DIAPH3: variants seen among roughly 807,000 people sequenced by gnomAD.
The protein encoded by DIAPH3 is protein diaphanous homolog 3.
In DIAPH3, 117 loss-of-function variants were observed where a neutral mutation model predicts 144.3. That is an observed-to-expected ratio of 0.81 (90% confidence interval 0.70 to 0.95). The LOEUF (loss-of-function observed/expected upper bound fraction) is 0.95, where lower values mean the gene tolerates loss of function less well. DIAPH3 is among the 40% of genes least tolerant of loss of function. The pLI, the probability that DIAPH3 is intolerant of heterozygous loss-of-function variation, is 0.00. For synonymous variants in DIAPH3, 519 were observed against 488.9 expected, an observed-to-expected ratio of 1.06 and a Z score of -0.81; for missense variants, 1,421 against 1,412.7, an observed-to-expected ratio of 1.01 and a Z score of -0.09.
At chr13:60,130,239 G>C (rs563347621) in intron 2 of DIAPH3, among the ~76,000 whole-genome samples, 29 of 152,278 alleles carry the variant, frequency 1.9e-4, no homozygotes, top group African/African-American at 4.8e-4. Context: ...GTTGAAGATA[G>C]CCATGCTTAT....
At chr13:59,681,763 G>A (rs905216771) in intron 27 of DIAPH3, among the ~76,000 whole-genome samples, 3 of 152,134 alleles carry the variant, frequency 2.0e-5, no homozygotes, top group African/African-American at 7.2e-5. Context: ...AATTCACAAT[G>A]AGGAAGGAGG....
intron 25 of DIAPH3, among the ~76,000 whole-genome samples, chr13:59,802,717 C>T (rs542780777): frequency 0.013 from 1,442 of 106,958 alleles, 13 homozygotes; most frequent in Admixed American, 0.021. Flanking sequence ...CTCTGTCGCC[C>T]AGGCCGGACT....
rs1389666047 is a variant in DIAPH3 at position 59,895,432 on chromosome 13, AAAAAAAAAAAAC to A, written c.2368-15976_2368-15965del. 3.8e-3 allele frequency among the ~76,000 whole-genome samples: 530 copies of A among 138,458 alleles called. 4 individuals carry two copies. The highest frequency in any genetic ancestry group is 0.015 in the African/African-American group (503 of 34,294). The allele number at this position is 138,458 out of a possible 152,430, so 90.8% of individuals were successfully genotyped here. Reference sequence around the variant, plus strand: ...GGAAACTTGATCCAATGTTAAAGGAAAAAAAAAAAAACAAAAAAAAAACACATTTATCTTGTG... The same window carrying A: ...GGAAACTTGATCCAATGTTAAAGGAAAAAAAAAAAACACATTTATCTTGTG... On this transcript the variant is annotated intron_variant, in intron 20 of 27. Transcript: ENST00000400324.
intron 19 of DIAPH3, among the ~76,000 whole-genome samples, 194 bp downstream of exon 19, chr13:59,915,961 T>G (rs2047197894): frequency 6.6e-6 from 1 of 152,142 alleles, no homozygotes. Context: ...TTGATAGCAT[T>G]CTATTTCATG....
chr13:59,754,296 T>G (rs2037153198), intron 27 of DIAPH3, among the ~76,000 whole-genome samples: 2 of 152,164 alleles, frequency 1.3e-5, no homozygotes, highest in South Asian at 4.1e-4. Context: ...TTTATCAGCT[T>G]TACGATTTTG....
intron 3 of DIAPH3, among the ~76,000 whole-genome samples, chr13:60,111,136 C>T (rs1167220553): frequency 1.3e-5 from 2 of 151,992 alleles, no homozygotes; most frequent in South Asian, 2.1e-4. Flanking sequence ...ATATAGTGCA[C>T]GGATGGGAGA....
intron 18 of DIAPH3, among the ~76,000 whole-genome samples, chr13:59,922,177 A>C (rs1438108756): frequency 6.6e-6 from 1 of 152,094 alleles, no homozygotes; most frequent in Non-Finnish European, 1.5e-5. Flanking sequence ...CACCACTTCT[A>C]TTCAACATAT....
chr13:60,026,623 G>A (rs2054392162), intron 5 of DIAPH3, among the ~76,000 whole-genome samples: 1 of 151,926 alleles, frequency 6.6e-6, no homozygotes, highest in Non-Finnish European at 1.5e-5. Context: ...AAAATGTTTG[G>A]GGTATATTTG....
intron 25 of DIAPH3, among the ~76,000 whole-genome samples, chr13:59,799,070 T>C (rs577355857): frequency 6.6e-6 from 1 of 152,118 alleles, no homozygotes; most frequent in Admixed American, 6.5e-5. Flanking sequence ...AAGAGAAGAA[T>C]GTTTCCAAGA....
intron 25 of DIAPH3, among the ~76,000 whole-genome samples, chr13:59,775,108 T>C (rs2038332560): frequency 6.6e-6 from 1 of 152,224 alleles, no homozygotes; most frequent in African/African-American, 2.4e-5. Context: ...ACAATTACCT[T>C]AAATGGAATG....
intron 17 of DIAPH3, among the ~76,000 whole-genome samples, chr13:59,959,285 G>A (rs2049602775): frequency 6.6e-6 from 1 of 152,318 alleles, no homozygotes; most frequent in African/African-American, 2.4e-5. Context: ...AAAAGAAAGT[G>A]ACATAACACA....
chr13:59,699,759 T>G (rs942381179), intron 27 of DIAPH3, among the ~76,000 whole-genome samples: 2 of 152,182 alleles, frequency 1.3e-5, no homozygotes, highest in African/African-American at 4.8e-5. Flanking sequence ...GATTTTCTAA[T>G]CTTTAAATTA....
intron 27 of DIAPH3, chr13:59,695,380 AT>A (rs935111107): frequency 2.6e-5 from 4 of 152,194 alleles, no homozygotes; most frequent in Non-Finnish European, 2.9e-5. Context: ...CTAAATCTAT[AT>A]TCTCTCTCTC....
rs138336886 is a variant in DIAPH3 at position 59,772,009 on chromosome 13, T to C, written c.3319+2180A>G. Among the ~76,000 whole-genome samples the C allele has an allele frequency of 2.7e-3, 417 of 152,154 alleles. 3 individuals are homozygous for C. Among genetic ancestry groups the C allele is most frequent in the African/African-American group, 9.6e-3 (397 of 41,564 alleles). Reference sequence around the variant, plus strand: ...AAGTTATGAGATCAATAACAATATATACTTGTAGAAAATATAAATATTAGA... The same window carrying C: ...AAGTTATGAGATCAATAACAATATACACTTGTAGAAAATATAAATATTAGA... On this transcript the variant is annotated intron_variant, in intron 27 of 27. Coordinates refer to ENST00000400324, the MANE Select transcript of DIAPH3 (RefSeq NM_001042517.2).
rs935160388 is a variant in DIAPH3 at position 59,989,141 on chromosome 13, A to C, written c.1361+2017T>G. On this transcript the variant is annotated intron_variant, in intron 12 of 27. Coordinates refer to ENST00000400324, the MANE Select transcript of DIAPH3 (RefSeq NM_001042517.2). ...GAGCTCATTAAACAAAAAATGTTAC[A>C]GGTTATCTAAGATTGCTGAAAAGGT... 3.3e-5 allele frequency among the ~76,000 whole-genome samples: 5 copies of C among 151,994 alleles called. No homozygotes were observed. In the East Asian group the frequency reaches 7.8e-4, roughly 24 times the overall value.
At chr13:59,827,876 G>C (rs1480981050) in intron 24 of DIAPH3, among the ~76,000 whole-genome samples, 1 of 152,026 alleles carries the variant, frequency 6.6e-6, no homozygotes, top group Non-Finnish European at 1.5e-5. Context: ...ACAGCTGTTG[G>C]ATAGATTAAG....
At chr13:59,954,641 G>T (rs1291595488) in intron 17 of DIAPH3, among the ~76,000 whole-genome samples, 2 of 152,024 alleles carry the variant, frequency 1.3e-5, no homozygotes, top group Admixed American at 1.3e-4. Context: ...CCTGAGACTG[G>T]GTAATTTATA....
chr13:59,797,549 A>G (rs2039678445), intron 25 of DIAPH3, among the ~76,000 whole-genome samples: 1 of 152,218 alleles, frequency 6.6e-6, no homozygotes, highest in Non-Finnish European at 1.5e-5. Context: ...AGGTGTAATT[A>G]GTACCTAATG....
At chr13:59,709,572 A>G (rs1007424020) in intron 27 of DIAPH3, among the ~76,000 whole-genome samples, 41 of 152,310 alleles carry the variant, frequency 2.7e-4, no homozygotes, top group Admixed American at 1.7e-3. Flanking sequence ...TTAGAATGGC[A>G]ATCATTAAAA....
Sources: allele counts gnomAD v4.1 joint callset (sites outside exome capture counted in the v4.1 genomes callset), GRCh38; gene constraint gnomAD v4.1.1; transcripts MANE v1.5; gene names NCBI Gene and HGNC (gene_info 2026-07-23, HGNC 2026-07-21).